Variants in EPAS1 observed in about 807,000 individuals in gnomAD.
EPAS1 encodes the protein endothelial PAS domain-containing protein 1.
EPAS1 carries 23 observed loss-of-function variants against 87.9 expected under a neutral mutation model. The observed-to-expected ratio is 0.26, with a 90% CI of 0.19 to 0.37. The LOEUF (loss-of-function observed/expected upper bound fraction) is 0.37. Among genes scored for constraint, EPAS1 ranks in the 10% least tolerant of loss-of-function variants. EPAS1 has a pLI of 1.00. For missense variants in EPAS1, 1,138 were observed against 1,120.7 expected (o/e 1.02, Z -0.22); for synonymous variants, 508 against 444.3 (o/e 1.14, Z -1.80).
chr2:46,319,392 C>T (rs1404611536), intron 1 of EPAS1, among the ~76,000 whole-genome samples: 1 of 152,114 alleles, frequency 6.6e-6, no homozygotes, highest in Non-Finnish European at 1.5e-5. Context: ...TTATTGTCCT[C>T]CTGAAATTTT....
intron 1 of EPAS1, among the ~76,000 whole-genome samples, chr2:46,312,292 A>G (rs1399525752): frequency 6.6e-6 from 1 of 152,122 alleles, no homozygotes; most frequent in Non-Finnish European, 1.5e-5. Context: ...AGTCTCTAGG[A>G]GTTTGAAAGA....
chr2:46,304,694 C>T (rs1456181674), intron 1 of EPAS1, among the ~76,000 whole-genome samples: 1 of 152,126 alleles, frequency 6.6e-6, no homozygotes, highest in Admixed American at 6.5e-5. Flanking sequence ...TCCCACCCTT[C>T]GCTGGTGGCA....
chr2:46,318,376 T>C (rs1181857871), intron 1 of EPAS1, among the ~76,000 whole-genome samples: 1 of 152,088 alleles, frequency 6.6e-6, no homozygotes, highest in Non-Finnish European at 1.5e-5. Context: ...AAGTTTGAAA[T>C]ATTGCAAGAA....
At chr2:46,329,252 C>A (rs189820132) in intron 1 of EPAS1, among the ~76,000 whole-genome samples, 4 of 152,230 alleles carry the variant, frequency 2.6e-5, no homozygotes, top group Admixed American at 2.6e-4. Context: ...CATCTGGGTG[C>A]GAGGCAACCA....
intron 1 of EPAS1, among the ~76,000 whole-genome samples, chr2:46,303,006 G>A (rs1216174860): frequency 6.6e-6 from 1 of 152,188 alleles, no homozygotes; most frequent in African/African-American, 2.4e-5. Context: ...CCGGGAGGCG[G>A]AGGTTGCAGT....
chr2:46,372,245 T>C (rs1684641721), intron 7 of EPAS1, among the ~76,000 whole-genome samples: 1 of 152,180 alleles, frequency 6.6e-6, no homozygotes, highest in African/African-American at 2.4e-5. Context: ...AAGGGAAATC[T>C]GCTTGGGTTG....
At position 46,375,379 on chromosome 2, in the gene EPAS1, G is replaced by C. The variant is rs1239589939; in HGVS notation, c.887-311G>C. Among the ~76,000 whole-genome samples the C allele has an allele frequency of 6.6e-6, 1 of 152,110 alleles. No homozygotes were observed. The highest frequency in any genetic ancestry group is 1.5e-5 in the Non-Finnish European group (1 of 68,024). On this transcript the variant is annotated intron_variant, in intron 7 of 15. Transcript: ENST00000263734. This position sits in a 1 kb window ranked among gnomAD's most constrained non-coding sequence, Gnocchi z 4.1. ...TGCTTATAGCTGAGCTGGTCTGTGA[G>C]CCTGACTTGTCCAGGGATTGGTGAT...
chr2:46,351,609 G>C (rs977308982), intron 2 of EPAS1, among the ~76,000 whole-genome samples: 2 of 152,166 alleles, frequency 1.3e-5, no homozygotes, highest in African/African-American at 4.8e-5. Context: ...TGGAGGGGAG[G>C]AATCAGTTTA....
intron 6 of EPAS1, 103 bp downstream of exon 6, chr2:46,361,193 G>T: frequency 7.8e-7 from 1 of 1,281,474 alleles, no homozygotes; most frequent in Non-Finnish European, 1.1e-6. Context: ...CATAGACGTG[G>T]TATTGCCGGG....
intron 1 of EPAS1, among the ~76,000 whole-genome samples, chr2:46,321,262 A>G (rs1683450148): frequency 6.6e-6 from 1 of 152,176 alleles, no homozygotes; most frequent in Non-Finnish European, 1.5e-5. Flanking sequence ...TAGACACTAT[A>G]TTTTGTTTAT....
rs764477794 is a variant in EPAS1 at position 46,297,944 on chromosome 2, G to C, written c.26+7G>C. The C allele has an allele frequency of 1.5e-5, 24 of 1,612,040 alleles. No individual in the cohort carries two copies. In the East Asian group the frequency reaches 4.7e-4, roughly 31 times the overall value. On this transcript the variant is annotated splice_region_variant and intron_variant, in intron 1 of 15. Coordinates refer to ENST00000263734, the MANE Select transcript of EPAS1 (RefSeq NM_001430.5). ...CTGACAAGGAGAAGAAAAGGTAAGC[G>C]GGCGTCCGGGCCGATCAGGGGGCCG...
Position 46,378,669 on chromosome 2 carries a change from G to A in EPAS1, c.1456G>A (p.Glu486Lys), listed in dbSNP as rs1314155385. 1 of 1,613,868 alleles carries A rather than the reference G, an allele frequency of 6.2e-7. No individual in the cohort carries two copies. The highest frequency in any genetic ancestry group is 1.3e-5 in the African/African-American group (1 of 74,920). Reference sequence around the variant, plus strand: ...TCCTGGCCCCTAGCCCAATAGCCCTGAAGACTATTACACATCTTTGGATAA... The same window carrying A: ...TCCTGGCCCCTAGCCCAATAGCCCTAAAGACTATTACACATCTTTGGATAA... Reference protein sequence around the residue: ...SSSCSTPNSPEDYYTSLDNDL... With the variant: ...SSSCSTPNSPKDYYTSLDNDL... Residue 486 changes from glutamate to lysine, a missense_variant, in exon 11 of 16, where the codon GAA becomes AAA. Glu to Lys is a moderately conservative substitution (Grantham distance 56). Coordinates refer to ENST00000263734, the MANE Select transcript of EPAS1 (RefSeq NM_001430.5).
At chr2:46,378,122 G>A in intron 10 of EPAS1, 35 bp downstream of exon 10, 1 of 1,562,402 alleles carries the variant, frequency 6.4e-7, no homozygotes, top group Non-Finnish European at 8.7e-7. Flanking sequence ...ACACAGAGAG[G>A]GCTCCGTATG....
chr2:46,338,549 A>G (rs1683845320), intron 1 of EPAS1, among the ~76,000 whole-genome samples: 1 of 152,186 alleles, frequency 6.6e-6, no homozygotes, highest in African/African-American at 2.4e-5. Context: ...CCTGCAGTGG[A>G]TAAGATGAGG....
At chr2:46,301,709 G>A (rs184729638) in intron 1 of EPAS1, among the ~76,000 whole-genome samples, 1 of 152,002 alleles carries the variant, frequency 6.6e-6, no homozygotes, top group East Asian at 1.9e-4. Flanking sequence ...CCGAAGGAGT[G>A]CCTTCCCCAT....
chr2:46,341,985 C>T (rs1448779659), intron 1 of EPAS1, among the ~76,000 whole-genome samples: 2 of 152,036 alleles, frequency 1.3e-5, no homozygotes, highest in East Asian at 3.8e-4. Flanking sequence ...CTCCCCCCAC[C>T]ACACACACAC....
chr2:46,300,309 A>C lies in EPAS1; in HGVS notation c.26+2372A>C, dbSNP rs1367850815. On this transcript the variant is annotated intron_variant, in intron 1 of 15. Coordinates refer to ENST00000263734, the MANE Select transcript of EPAS1 (RefSeq NM_001430.5). This position sits in a 1 kb window ranked among gnomAD's most constrained non-coding sequence, Gnocchi z 4.1. ...CTGATGATTCTGCCCACTAGTTCTT[A>C]CATTTTGTGTTTCTTTGGTTTAGCA... Among the ~76,000 whole-genome samples the C allele has an allele frequency of 1.3e-5, 2 of 152,166 alleles. No individual in the cohort carries two copies. Among genetic ancestry groups the C allele is most frequent in the African/African-American group, 2.4e-5 (1 of 41,440 alleles).
chr2:46,357,484 T>G (rs116770025), intron 4 of EPAS1, among the ~76,000 whole-genome samples: 1 of 152,208 alleles, frequency 6.6e-6, no homozygotes, highest in African/African-American at 2.4e-5. Context: ...CGTGGCAGTT[T>G]AGGGCTCCCA....
Position 46,369,824 on chromosome 2 carries a change from C to T in EPAS1, c.780-3C>T, listed in dbSNP as rs748793910. ...CTTACATGCTGCCTTTTTAAAAACTCAGAATCACAGAACTGATTGGTTACC... is the reference window on the plus strand; with the variant it reads ...CTTACATGCTGCCTTTTTAAAAACTTAGAATCACAGAACTGATTGGTTACC... On this transcript the variant is annotated splice_polypyrimidine_tract_variant and splice_region_variant and intron_variant, in intron 6 of 15. Coordinates refer to ENST00000263734, the MANE Select transcript of EPAS1 (RefSeq NM_001430.5). The T allele has an allele frequency of 5.0e-6, 8 of 1,610,620 alleles. No individual in the cohort carries two copies. The highest frequency in any genetic ancestry group is 5.9e-6 in the Non-Finnish European group (7 of 1,177,942).
Sources: allele counts gnomAD v4.1 joint callset (sites outside exome capture counted in the v4.1 genomes callset), GRCh38; gene constraint gnomAD v4.1.1; non-coding constraint Gnocchi (gnomAD v3.1); transcripts MANE v1.5; gene names NCBI Gene and HGNC (gene_info 2026-07-23, HGNC 2026-07-21).